The following PPARGC1A variants were observed in gnomAD, a reference collection of about 807,000 sequenced individuals.
PPARGC1A encodes the protein peroxisome proliferator-activated receptor gamma coactivator 1-alpha.
PPARGC1A carries 25 observed loss-of-function variants against 88.7 expected under a neutral mutation model. That is an observed-to-expected ratio of 0.28 (90% CI 0.21 to 0.39). The LOEUF is 0.39. Among genes scored for constraint, PPARGC1A ranks in the 10% least tolerant of loss-of-function variants. The pLI, the probability that PPARGC1A is intolerant of heterozygous loss-of-function variation, is 1.00. For missense variants in PPARGC1A, 880 were observed against 968.7 expected (o/e 0.91, Z 1.22); for synonymous variants, 363 against 355.6 (o/e 1.02, Z -0.24).
the PPARGC1A span, among the ~76,000 whole-genome samples, chr4:24,191,283 G>C: frequency 1.3e-5 from 2 of 152,196 alleles, no homozygotes; most frequent in African/African-American, 4.8e-5. Context: ...ACCAGGCTAT[G>C]TATTTCACAT....
chr4:24,075,604 G>A, the PPARGC1A span, among the ~76,000 whole-genome samples: 1 of 152,244 alleles, frequency 6.6e-6, no homozygotes, highest in Admixed American at 6.5e-5. Context: ...GTGACCCCAT[G>A]GGAGGTAGTT....
In PPARGC1A at chr4:23,896,147, AAAG is replaced by A. The variant is rs554159523; in HGVS notation, n.52+3117_52+3119del. The stretch of plus-strand genomic sequence containing the variant: ...TTTACCTGTAAAAATATATCCTCAG[AAAG>A]AAGAAGAGGATGAGGAGGAAATGTA... On this transcript the variant is annotated intron_variant and non_coding_transcript_variant, in intron 1 of 3. Transcript: ENST00000507342. Among the ~76,000 whole-genome samples the A allele has an allele frequency of 3.9e-4, 59 of 152,226 alleles. 1 individual carries two copies. In the East Asian group the frequency reaches 0.01, roughly 27 times the overall value.
the PPARGC1A span, among the ~76,000 whole-genome samples, chr4:23,912,044 G>C: frequency 6.6e-6 from 1 of 152,220 alleles, no homozygotes; most frequent in Admixed American, 6.5e-5. Context: ...ATTAGGATAA[G>C]TCTGTAAAGA....
the PPARGC1A span, among the ~76,000 whole-genome samples, chr4:23,913,049 C>T: frequency 6.7e-6 from 1 of 149,822 alleles, no homozygotes; most frequent in Non-Finnish European, 1.5e-5. Flanking sequence ...TCGTGATCCG[C>T]CCGCCTCAGC....
chr4:24,454,819 A>G, the PPARGC1A span, among the ~76,000 whole-genome samples: 1 of 152,136 alleles, frequency 6.6e-6, no homozygotes, highest in Non-Finnish European at 1.5e-5. Flanking sequence ...AATAGTTCCG[A>G]GTCTCAGGCA....
the PPARGC1A span, among the ~76,000 whole-genome samples, chr4:24,259,704 G>T: frequency 6.6e-6 from 1 of 152,080 alleles, no homozygotes; most frequent in Non-Finnish European, 1.5e-5. Flanking sequence ...CTAGTGTGAA[G>T]GCACTCCACG....
chr4:23,852,477 C>T (rs1041019620), intron 2 of PPARGC1A, among the ~76,000 whole-genome samples: 1 of 152,114 alleles, frequency 6.6e-6, no homozygotes, highest in African/African-American at 2.4e-5. Flanking sequence ...ATTGTACTTG[C>T]TCCCCATCAA....
the PPARGC1A span, among the ~76,000 whole-genome samples, chr4:24,208,862 A>C: frequency 6.6e-6 from 1 of 152,070 alleles, no homozygotes; most frequent in Non-Finnish European, 1.5e-5. Context: ...CTCTATAATG[A>C]GAGTGTTTTC....
the PPARGC1A span, among the ~76,000 whole-genome samples, chr4:23,990,877 C>CT: frequency 6.6e-6 from 1 of 151,884 alleles, no homozygotes; most frequent in African/African-American, 2.4e-5. Context: ...AGAAAGATTC[C>CT]TCTCCCTCTG....
chr4:24,346,756 T>G, the PPARGC1A span, among the ~76,000 whole-genome samples: 2 of 152,194 alleles, frequency 1.3e-5, no homozygotes, highest in Non-Finnish European at 2.9e-5. Flanking sequence ...ATTTTTTGTT[T>G]GTTTCAATTT....
At chr4:24,253,233 A>G in the PPARGC1A span, among the ~76,000 whole-genome samples, 1 of 151,562 alleles carries the variant, frequency 6.6e-6, no homozygotes, top group African/African-American at 2.4e-5. Context: ...TAAAACTTGA[A>G]AAACAAATTT....
the PPARGC1A span, among the ~76,000 whole-genome samples, chr4:24,329,334 C>T: frequency 2.0e-5 from 3 of 152,000 alleles, no homozygotes; most frequent in African/African-American, 7.3e-5. Context: ...TCCAGTGAAC[C>T]CCATTGCCCT....
At chr4:24,419,612 C>T in the PPARGC1A span, among the ~76,000 whole-genome samples, 1 of 151,708 alleles carries the variant, frequency 6.6e-6, no homozygotes, top group Non-Finnish European at 1.5e-5. Context: ...GGCTGCAGTG[C>T]CACCTAGCGG....
chr4:24,410,485 A>T, the PPARGC1A span, among the ~76,000 whole-genome samples: 2 of 152,150 alleles, frequency 1.3e-5, no homozygotes, highest in East Asian at 3.8e-4. Flanking sequence ...AATTTTAAAA[A>T]TTTATATTTA....
chr4:24,414,609 C>T, the PPARGC1A span, among the ~76,000 whole-genome samples: 1 of 152,250 alleles, frequency 6.6e-6, no homozygotes, highest in African/African-American at 2.4e-5. Flanking sequence ...AGTCCTGACC[C>T]CAACCATAGA....
chr4:23,884,540 T>C, intron 2 of PPARGC1A: 2 of 463,042 alleles, frequency 4.3e-6, no homozygotes, highest in Non-Finnish European at 3.7e-6. Flanking sequence ...TAGTCCCTAG[T>C]TGATTTATTT....
chr4:23,964,959 G>T, the PPARGC1A span, among the ~76,000 whole-genome samples: 1 of 151,974 alleles, frequency 6.6e-6, no homozygotes, highest in African/African-American at 2.4e-5. Flanking sequence ...CAAATACAAA[G>T]AATTTCAAAG....
At chr4:24,060,670 T>C in the PPARGC1A span, among the ~76,000 whole-genome samples, 1 of 152,222 alleles carries the variant, frequency 6.6e-6, no homozygotes, top group Non-Finnish European at 1.5e-5. Flanking sequence ...ACATTCAGAT[T>C]GTCAGTTGAT....
the PPARGC1A span, among the ~76,000 whole-genome samples, chr4:24,155,885 G>C: frequency 3.0e-4 from 45 of 152,292 alleles, no homozygotes; most frequent in African/African-American, 1.1e-3. Context: ...AGAGATCCAA[G>C]AAAGGAACTA....
Sources: allele counts gnomAD v4.1 joint callset (sites outside exome capture counted in the v4.1 genomes callset), GRCh38; gene constraint gnomAD v4.1.1; transcripts MANE v1.5; gene names NCBI Gene and HGNC (gene_info 2026-07-23, HGNC 2026-07-21).